Variants in PAK2 observed in about 807,000 individuals in gnomAD.
PAK2 encodes the protein p21 (RAC1) activated kinase 2.
Under a neutral mutation model 65.9 loss-of-function variants are expected in PAK2, and 21 were observed. The ratio of observed to expected loss-of-function variants is 0.32; its 90% CI spans 0.23 to 0.46. PAK2 has a LOEUF of 0.46. Among genes scored for constraint, PAK2 ranks in the 20% least tolerant of loss-of-function variants. PAK2 has a pLI of 1.00. For synonymous variants in PAK2, 204 were observed against 219.7 expected (o/e 0.93, Z 0.63); for missense variants, 324 against 642.6 (o/e 0.50, Z 5.36).
intron 2 of PAK2, among the ~76,000 whole-genome samples, chr3:196,785,792 G>A (rs780737276): frequency 1.3e-5 from 2 of 152,152 alleles, no homozygotes; most frequent in African/African-American, 2.4e-5. Context: ...GTCCTACGTG[G>A]ATGACAGCAG....
chr3:196,804,758 C>T (rs575912021), intron 4 of PAK2, among the ~76,000 whole-genome samples: 125 of 151,770 alleles, frequency 8.2e-4, no homozygotes, highest in Admixed American at 1.6e-3. Flanking sequence ...CATGAGCCAC[C>T]GCGCCCGGCC....
intron 2 of PAK2, among the ~76,000 whole-genome samples, chr3:196,793,990 G>A (rs1715162637): frequency 6.6e-6 from 1 of 151,986 alleles, no homozygotes; most frequent in Non-Finnish European, 1.5e-5. Flanking sequence ...AATTAGCTGG[G>A]CTCGGTGGCG....
intron 13 of PAK2, among the ~76,000 whole-genome samples, chr3:196,822,369 A>G (rs1410106234): frequency 6.6e-6 from 1 of 152,196 alleles, no homozygotes; most frequent in Non-Finnish European, 1.5e-5. Context: ...ACTGGCAGGA[A>G]GGAGGTTAGG....
chr3:196,801,495 T>C (rs1029680444), intron 2 of PAK2, among the ~76,000 whole-genome samples: 1 of 152,186 alleles, frequency 6.6e-6, no homozygotes, highest in Non-Finnish European at 1.5e-5. Context: ...ATAACTTTGA[T>C]TCTAGTGTGT....
At chr3:196,775,520 C>T (rs1345930217) in intron 1 of PAK2, among the ~76,000 whole-genome samples, 1 of 151,912 alleles carries the variant, frequency 6.6e-6, no homozygotes, top group African/African-American at 2.4e-5. Flanking sequence ...GTAGCTGGGA[C>T]TACAGGCGCC....
chr3:196,777,427 C>T (rs968298765), intron 1 of PAK2, among the ~76,000 whole-genome samples: 3 of 152,172 alleles, frequency 2.0e-5, no homozygotes, highest in African/African-American at 7.2e-5. Context: ...TGGTCTCGAA[C>T]TCCTGACCTC....
Position 196,810,626 on chromosome 3 carries a change from A to G in PAK2, c.746A>G (p.Tyr249Cys), listed in dbSNP as rs745916272. The G allele has an allele frequency of 6.4e-7, 1 of 1,555,980 alleles. No individual in the cohort carries two copies. The highest frequency in any genetic ancestry group is 8.9e-7 in the Non-Finnish European group (1 of 1,127,744). The change falls in exon 8 of 15, where the codon TAT becomes TGT. Residue 249 changes from tyrosine (Y) to cysteine (C), a missense_variant. By Grantham distance (194) the Tyr-to-Cys change is radical (BLOSUM62 -2). This residue lies in a region of PAK2 where 183 missense variants were observed against 246.2 expected (regional missense o/e 0.74). Transcript: ENST00000327134. ...AGCATAGGTGACCCTAAGAAAAAAT[A>G]TACAAGATATGAAAAAATTGGACAA... ...IVSIGDPKKK[Y>C]TRYEKIGQGA...
At chr3:196,753,138 TA>T (rs1713662569) in intron 1 of PAK2, among the ~76,000 whole-genome samples, 1 of 151,762 alleles carries the variant, frequency 6.6e-6, no homozygotes, top group Non-Finnish European at 1.5e-5. Context: ...TTTGTATTTT[TA>T]GTAGAGACGA....
chr3:196,831,599 C>A lies in PAK2; in HGVS notation c.*3194C>A, dbSNP rs1359064365. 2 of 152,220 alleles carry A rather than the reference C, an allele frequency of 1.3e-5. No individual in the cohort carries two copies. The highest frequency in any genetic ancestry group is 2.1e-4 in the South Asian group (1 of 4,832). 9.4% of individuals were successfully genotyped at this position (152,220 alleles called of 1,614,324 possible). A position where few individuals can be genotyped will look rare whatever the true frequency, so the allele number is the denominator to read the frequency against. ...ACTGTAAACGAACCTGTGCCTCTAA[C>A]AAGCGATTCTAAACCACCTATGAGT... On this transcript the variant is annotated 3_prime_UTR_variant, in exon 15 of 15. Coordinates refer to ENST00000327134, the MANE Select transcript of PAK2 (RefSeq NM_002577.4).
chr3:196,761,033 A>G (rs560486288), intron 1 of PAK2, among the ~76,000 whole-genome samples: 2 of 152,168 alleles, frequency 1.3e-5, no homozygotes, highest in South Asian at 2.1e-4. Flanking sequence ...GTTCAAGACC[A>G]GCCTGACCAA....
chr3:196,822,599 C>T (rs1358921361), intron 13 of PAK2, among the ~76,000 whole-genome samples: 1 of 152,074 alleles, frequency 6.6e-6, no homozygotes. Flanking sequence ...ATCATCCTGC[C>T]CCAGTGCGTG....
rs1711961061 is a variant in PAK2 at position 196,828,587 on chromosome 3, T to C, written c.*182T>C. ...TGCAAAAAGACAAGTATGACTTTTATATGAACCCCTTCTTTAGGGTCCAGA... is the reference window on the plus strand; with the variant it reads ...TGCAAAAAGACAAGTATGACTTTTACATGAACCCCTTCTTTAGGGTCCAGA... On this transcript the variant is annotated 3_prime_UTR_variant, in exon 15 of 15. Coordinates refer to ENST00000327134, the MANE Select transcript of PAK2 (RefSeq NM_002577.4). 5 of 571,724 alleles carry C rather than the reference T, an allele frequency of 8.7e-6. No individual in the cohort carries two copies. The highest frequency in any genetic ancestry group is 9.2e-6 in the Non-Finnish European group (3 of 325,812). 35.4% of individuals were successfully genotyped at this position (571,724 alleles called of 1,614,324 possible).
At chr3:196,802,063 T>G in intron 3 of PAK2, 36 bp downstream of exon 3, 3 of 1,008,746 alleles carry the variant, frequency 3.0e-6, no homozygotes, top group Non-Finnish European at 4.7e-6. Context: ...TTATAACGTT[T>G]AAAATAGCAC....
intron 13 of PAK2, among the ~76,000 whole-genome samples, chr3:196,822,563 G>A (rs565555593): frequency 6.6e-6 from 1 of 152,208 alleles, no homozygotes; most frequent in Admixed American, 6.5e-5. Flanking sequence ...GTTAGTGTGT[G>A]CCTGTAGTCA....
At chr3:196,751,508 G>A (rs112414513) in intron 1 of PAK2, among the ~76,000 whole-genome samples, 54 of 150,278 alleles carry the variant, frequency 3.6e-4, no homozygotes, top group African/African-American at 1.3e-3. Flanking sequence ...ATTAGCCAGC[G>A]TGGTGGCACG....
At position 196,765,257 on chromosome 3, in the gene PAK2, C is replaced by G. The variant is rs575566454; in HGVS notation, c.-21-17369C>G. ...TTGCCTCCCGAGTTCAAGCGATTCT[C>G]TTGCCTCAGCCTCCTGAGTAGCTGG... On this transcript the variant is annotated intron_variant, in intron 1 of 14. Coordinates refer to ENST00000327134, the MANE Select transcript of PAK2 (RefSeq NM_002577.4). Among the ~76,000 whole-genome samples, 4 of 150,054 alleles carry G rather than the reference C, an allele frequency of 2.7e-5. No homozygotes were observed. The Admixed American group carries it at 2.7e-4, about 10-fold the overall frequency.
chr3:196,796,494 T>A (rs180752311), intron 2 of PAK2, among the ~76,000 whole-genome samples: 649 of 152,304 alleles, frequency 4.3e-3, no homozygotes, highest in African/African-American at 0.015. Context: ...GATAAAAATG[T>A]TCTAAAGTTA....
intron 2 of PAK2, among the ~76,000 whole-genome samples, chr3:196,793,889 G>A (rs1233066539): frequency 6.6e-6 from 1 of 152,146 alleles, no homozygotes; most frequent in Non-Finnish European, 1.5e-5. Context: ...CCAGCACTTT[G>A]GGAAGCCAAG....
chr3:196,831,239 T>G lies in PAK2; in HGVS notation c.*2834T>G, dbSNP rs1230103487. ...ATATTTACCCTTTTTGTCATCACTT[T>G]AGAATGAAAATTCCCATTTAAATCT... On this transcript the variant is annotated 3_prime_UTR_variant, in exon 15 of 15. Coordinates refer to ENST00000327134, the MANE Select transcript of PAK2 (RefSeq NM_002577.4). 1 of 152,312 alleles carries G rather than the reference T, an allele frequency of 6.6e-6. No individual in the cohort carries two copies. Among genetic ancestry groups the G allele is most frequent in the African/African-American group, 2.4e-5 (1 of 41,564 alleles). The allele number at this position is 152,312 out of a possible 1,614,324, so 9.4% of individuals were successfully genotyped here.
Sources: gnomAD v4.1 joint callset for allele counts (sites outside exome capture counted in the v4.1 genomes callset) on GRCh38, gnomAD v4.1.1 for gene constraint, gnomAD v4.1.1 regional missense constraint, MANE v1.5 for transcripts, NCBI Gene and HGNC (gene_info 2026-07-23, HGNC 2026-07-21) for gene names.